The following KIF18A variants were observed in gnomAD, a reference collection of about 807,000 sequenced individuals.
KIF18A encodes kinesin-like protein KIF18A.
KIF18A carries 67 observed loss-of-function variants against 103.3 expected under a neutral mutation model. The ratio of observed to expected loss-of-function variants is 0.65; its 90% confidence interval spans 0.53 to 0.79. The LOEUF (loss-of-function observed/expected upper bound fraction) is 0.79. KIF18A is among the 30% of genes least tolerant of loss of function. The pLI, the probability that KIF18A is intolerant of heterozygous loss-of-function variation, is 0.00. For missense variants in KIF18A, 1,032 were observed against 1,062.5 expected (o/e 0.97, Z 0.40); for synonymous variants, 367 against 355.5 (o/e 1.03, Z -0.36).
chr11:28,104,877 A>G (rs899660643), intron 1 of KIF18A, among the ~76,000 whole-genome samples: 2 of 152,182 alleles, frequency 1.3e-5, no homozygotes, highest in Admixed American at 1.3e-4. Flanking sequence ...GGTCATTCCC[A>G]GAAGGGTACA....
chr11:28,052,513 C>T (rs1339465320), intron 13 of KIF18A, among the ~76,000 whole-genome samples: 3 of 152,010 alleles, frequency 2.0e-5, no homozygotes, highest in Non-Finnish European at 4.4e-5. Flanking sequence ...AAAGTTTCTT[C>T]TCCCAGATAT....
intron 10 of KIF18A, among the ~76,000 whole-genome samples, chr11:28,071,340 G>C (rs1192393727): frequency 6.6e-6 from 1 of 151,800 alleles, no homozygotes; most frequent in Admixed American, 6.6e-5. Context: ...TGAAAAGCCA[G>C]GCATTAAAGA....
chr11:28,084,681 G>A lies in KIF18A; in HGVS notation c.1025C>T (p.Thr342Ile). ...VSPSSVFYDD[T>I]YNTLKYANRA... ...GTTAGCATACTTAAGAGTGTTATAT[G>A]TGTCATCGTAGAATACAGAGGAAGG... The change falls in exon 7 of 17, where the codon ACA (threonine) becomes ATA (isoleucine). Residue 342 changes from threonine to isoleucine, a missense_variant. Coordinates refer to ENST00000263181, the MANE Select transcript of KIF18A (RefSeq NM_031217.4). 6.2e-7 allele frequency: 1 copy of A among 1,612,696 alleles called. No individual in the cohort carries two copies. The highest frequency in any genetic ancestry group is 8.5e-7 in the Non-Finnish European group (1 of 1,178,836).
rs527748771 is a variant in KIF18A at position 28,039,376 on chromosome 11, T to C, written c.1949-2712A>G. Among the ~76,000 whole-genome samples, 103 of 151,904 alleles carry C rather than the reference T, an allele frequency of 6.8e-4. 1 individual carries two copies. Among genetic ancestry groups the C allele is most frequent in the African/African-American group, 2.4e-3 (101 of 41,512 alleles). On this transcript the variant is annotated intron_variant, in intron 13 of 16. Coordinates refer to ENST00000263181, the MANE Select transcript of KIF18A (RefSeq NM_031217.4). ...TGATTAATATAAACCACAGGTATTA[T>C]TGAAACAGGTATATATGTTCTTTGC...
chr11:28,064,865 A>G (rs924296352), intron 11 of KIF18A, among the ~76,000 whole-genome samples: 1 of 152,120 alleles, frequency 6.6e-6, no homozygotes, highest in Non-Finnish European at 1.5e-5. Flanking sequence ...GTATAATGAA[A>G]GGTGATATAC....
intron 2 of KIF18A, 111 bp downstream of exon 2, chr11:28,097,512 A>G (rs1851389637): frequency 2.7e-6 from 2 of 749,694 alleles, no homozygotes; most frequent in African/African-American, 1.8e-5. Context: ...AAGAATTTTT[A>G]GCATACAAGC....
chr11:28,078,090 ATAAAG>A (rs1350202489), intron 9 of KIF18A, among the ~76,000 whole-genome samples: 1 of 152,200 alleles, frequency 6.6e-6, no homozygotes, highest in African/African-American at 2.4e-5. Context: ...AGACTTTAAA[ATAAAG>A]TAAAATCAAG....
intron 9 of KIF18A, among the ~76,000 whole-genome samples, chr11:28,081,075 G>A (rs929420705): frequency 3.9e-5 from 6 of 152,210 alleles, no homozygotes; most frequent in Admixed American, 3.3e-4. Flanking sequence ...GGAAGTTGCA[G>A]AGGAAAATTC....
chr11:28,074,125 T>G (rs1851059481), intron 10 of KIF18A, among the ~76,000 whole-genome samples: 1 of 152,032 alleles, frequency 6.6e-6, no homozygotes, highest in Admixed American at 6.6e-5. Context: ...TTTGTGTGAG[T>G]TGTGGAGTGA....
At chr11:28,043,440 G>A (rs899825083) in intron 13 of KIF18A, among the ~76,000 whole-genome samples, 1 of 151,878 alleles carries the variant, frequency 6.6e-6, no homozygotes, top group Admixed American at 6.6e-5. Flanking sequence ...GTAAAGAAAT[G>A]ACAGAACTGG....
At chr11:28,037,397 AT>A (rs777562845) in intron 13 of KIF18A, among the ~76,000 whole-genome samples, 24 of 151,756 alleles carry the variant, frequency 1.6e-4, no homozygotes, top group Non-Finnish European at 2.8e-4. Flanking sequence ...AATTAAAAAA[AT>A]ATACAATATA....
At chr11:28,053,657 TC>T (rs1850740603) in intron 13 of KIF18A, among the ~76,000 whole-genome samples, 2 of 123,118 alleles carry the variant, frequency 1.6e-5, no homozygotes, top group Admixed American at 8.3e-5. Flanking sequence ...CTCCCCCCTT[TC>T]CCCCACCCCA....
intron 10 of KIF18A, among the ~76,000 whole-genome samples, chr11:28,073,734 G>A (rs2133543253): frequency 6.6e-6 from 1 of 152,202 alleles, no homozygotes; most frequent in African/African-American, 2.4e-5. Context: ...AGCATATAGT[G>A]CCTTATCATT....
chr11:28,049,827 G>A (rs888893074), intron 13 of KIF18A, among the ~76,000 whole-genome samples: 34 of 151,830 alleles, frequency 2.2e-4, no homozygotes, highest in African/African-American at 8.2e-4. Context: ...TATGACTCAT[G>A]GAATTCATAG....
chr11:28,076,935 GAAAAAAA>G lies in KIF18A; in HGVS notation c.1425+65_1425+71del. On this transcript the variant is annotated intron_variant, in intron 10 of 16. Transcript: ENST00000263181. Reference sequence around the variant, plus strand: ...GGCAACAGAAGAAGAGACTCCTTCTGAAAAAAAAAAAAAAAAAAAAGCCCCCATGTTT... The same window carrying G: ...GGCAACAGAAGAAGAGACTCCTTCTGAAAAAAAAAAAAAGCCCCCATGTTT... 3.4e-5 allele frequency: 10 copies of G among 293,112 alleles called. No individual in the cohort carries two copies. In the East Asian group the frequency reaches 8.2e-4, roughly 24 times the overall value. The allele number at this position is 293,112 out of a possible 1,614,324, so 18.2% of individuals were successfully genotyped here. A position where few individuals can be genotyped will look rare whatever the true frequency, so the allele number is the denominator to read the frequency against.
chr11:28,057,285 G>A (rs1850793410), intron 13 of KIF18A, among the ~76,000 whole-genome samples: 1 of 152,094 alleles, frequency 6.6e-6, no homozygotes, highest in Non-Finnish European at 1.5e-5. Context: ...GGAGGCCGAG[G>A]TGGATGGATC....
At chr11:28,092,664 A>G (rs566099180) in intron 3 of KIF18A, among the ~76,000 whole-genome samples, 1 of 152,224 alleles carries the variant, frequency 6.6e-6, no homozygotes, top group South Asian at 2.1e-4. Context: ...AAGATTTAAG[A>G]AAAAAAATAA....
At chr11:28,054,383 G>C (rs1223942139) in intron 13 of KIF18A, among the ~76,000 whole-genome samples, 1 of 151,994 alleles carries the variant, frequency 6.6e-6, no homozygotes, top group African/African-American at 2.4e-5. Flanking sequence ...GCCAAGTTTT[G>C]TATTTTTTGT....
intron 13 of KIF18A, 141 bp downstream of exon 13, chr11:28,058,785 G>T: frequency 1.1e-5 from 6 of 554,586 alleles, no homozygotes; most frequent in East Asian, 7.4e-5. Flanking sequence ...CTGGTTAATT[G>T]AAATGACTAT....
Sources: gnomAD v4.1 joint callset for allele counts (sites outside exome capture counted in the v4.1 genomes callset) on GRCh38, gnomAD v4.1.1 for gene constraint, MANE v1.5 for transcripts, NCBI Gene and HGNC (gene_info 2026-07-23, HGNC 2026-07-21) for gene names.